The following EPC2 variants were observed in gnomAD, a reference collection of about 807,000 sequenced individuals.
EPC2 encodes the protein enhancer of polycomb homolog 2.
In EPC2, 14 loss-of-function variants were observed where a neutral mutation model predicts 92.1. The ratio of observed to expected loss-of-function variants is 0.15; its 90% CI spans 0.10 to 0.24. The LOEUF is 0.24. Among genes scored for constraint, EPC2 ranks in the 10% least tolerant of loss-of-function variants. The probability of loss-of-function intolerance (pLI) is 1.00; values close to 1 mark genes in which losing one functional copy is unlikely to be tolerated. For synonymous variants in EPC2, 340 were observed against 334.7 expected, an observed-to-expected ratio of 1.02 and a Z score of -0.17; for missense variants, 755 against 971.5, an observed-to-expected ratio of 0.78 and a Z score of 2.96.
chr2:148,720,454 A>C (rs13034265), intron 2 of EPC2, among the ~76,000 whole-genome samples: 36,398 of 150,712 alleles, frequency 0.24, 5,019 homozygotes, highest in East Asian at 0.51. Flanking sequence ...CTGGATTCCA[A>C]CCCCTCTCGG....
At chr2:148,766,910 A>G (rs1683421021) in intron 7 of EPC2, among the ~76,000 whole-genome samples, 1 of 152,198 alleles carries the variant, frequency 6.6e-6, no homozygotes. Context: ...TAGACTGGAC[A>G]TTGTGGCTCA....
chr2:148,676,794 CTCTCTCTG>C (rs1681273106), intron 1 of EPC2, among the ~76,000 whole-genome samples: 1 of 151,076 alleles, frequency 6.6e-6, no homozygotes, highest in Non-Finnish European at 1.5e-5. Flanking sequence ...CTCTCTCTCT[CTCTCTCTG>C]TCTCTCTTTT....
At chr2:148,749,439 T>C (rs1403627303) in intron 3 of EPC2, among the ~76,000 whole-genome samples, 1 of 151,994 alleles carries the variant, frequency 6.6e-6, no homozygotes, top group Non-Finnish European at 1.5e-5. Context: ...AAAATTCAAA[T>C]TAAAAGCGCC....
intron 2 of EPC2, among the ~76,000 whole-genome samples, chr2:148,735,279 T>C (rs1031482524): frequency 1.3e-5 from 2 of 152,002 alleles, no homozygotes; most frequent in Non-Finnish European, 2.9e-5. Context: ...TGTATGAGAG[T>C]TCTTGTTGTC....
At chr2:148,776,955 G>C (rs1683659232) in intron 10 of EPC2, among the ~76,000 whole-genome samples, 1 of 148,558 alleles carries the variant, frequency 6.7e-6, no homozygotes, top group Admixed American at 7.0e-5. Flanking sequence ...TCACCTCCCA[G>C]GCGAAGCAAT....
At chr2:148,646,478 T>C (rs190089158) in intron 1 of EPC2, among the ~76,000 whole-genome samples, 1 of 152,116 alleles carries the variant, frequency 6.6e-6, no homozygotes, top group Non-Finnish European at 1.5e-5. Flanking sequence ...GTAATAGATA[T>C]ATATACACGC....
intron 2 of EPC2, among the ~76,000 whole-genome samples, chr2:148,729,788 G>T (rs1489371707): frequency 2.0e-5 from 3 of 152,112 alleles, no homozygotes; most frequent in Non-Finnish European, 4.4e-5. Flanking sequence ...CTGTCATTAG[G>T]CTCTGTCCTC....
At chr2:148,715,640 T>C (rs1574600954) in intron 2 of EPC2, among the ~76,000 whole-genome samples, 1 of 152,204 alleles carries the variant, frequency 6.6e-6, no homozygotes, top group African/African-American at 2.4e-5. Context: ...TGTAGCATAG[T>C]TGAAGTCAGG....
At chr2:148,649,556 A>G (rs1488729165) in intron 1 of EPC2, among the ~76,000 whole-genome samples, 1 of 152,158 alleles carries the variant, frequency 6.6e-6, no homozygotes, top group Non-Finnish European at 1.5e-5. Context: ...TTGGTATGCT[A>G]TCTTTATGCA....
At chr2:148,649,598 T>A (rs1422399638) in intron 1 of EPC2, among the ~76,000 whole-genome samples, 2 of 152,228 alleles carry the variant, frequency 1.3e-5, no homozygotes, top group Non-Finnish European at 2.9e-5. Flanking sequence ...TTCCAGTTTT[T>A]GATTATCATT....
intron 7 of EPC2, among the ~76,000 whole-genome samples, chr2:148,767,213 A>ATG (rs1683426976): frequency 6.6e-6 from 1 of 151,928 alleles, no homozygotes. Context: ...AAAAAAAAAA[A>ATG]AATGAATGAT....
chr2:148,696,949 C>T (rs1276614740), intron 2 of EPC2, among the ~76,000 whole-genome samples: 1 of 152,184 alleles, frequency 6.6e-6, no homozygotes, highest in Non-Finnish European at 1.5e-5. Context: ...TAAACTTTTC[C>T]TTCCACAGTT....
intron 1 of EPC2, among the ~76,000 whole-genome samples, chr2:148,662,001 G>T (rs1382168091): frequency 6.6e-6 from 1 of 152,146 alleles, no homozygotes; most frequent in Non-Finnish European, 1.5e-5. Context: ...CAAAAAGTGG[G>T]CAAAGGATAT....
chr2:148,696,030 A>G (rs958170401), intron 2 of EPC2, among the ~76,000 whole-genome samples: 2 of 152,366 alleles, frequency 1.3e-5, no homozygotes. Flanking sequence ...ATTGTGCACT[A>G]GCTGCAACCG....
intron 10 of EPC2, among the ~76,000 whole-genome samples, chr2:148,774,624 T>TATTTTTTATATATATATATATA (rs935978031): frequency 1.1e-4 from 14 of 132,614 alleles, no homozygotes; most frequent in African/African-American, 3.7e-4. Flanking sequence ...AAAATATATT[T>TATTTTTTATATATATATATATA]TATATATATA....
chr2:148,694,673 C>T (rs1681708695), intron 2 of EPC2, among the ~76,000 whole-genome samples: 1 of 152,120 alleles, frequency 6.6e-6, no homozygotes, highest in Admixed American at 6.6e-5. Flanking sequence ...TATTTGATCT[C>T]CTATTACCTG....
At chr2:148,738,166 T>C (rs1291432140) in intron 2 of EPC2, among the ~76,000 whole-genome samples, 1 of 152,236 alleles carries the variant, frequency 6.6e-6, no homozygotes, top group Admixed American at 6.5e-5. Context: ...TGCTTTTGTT[T>C]TAATGGGATT....
intron 10 of EPC2, among the ~76,000 whole-genome samples, chr2:148,775,847 G>A (rs1325813582): frequency 8.4e-5 from 11 of 131,670 alleles, no homozygotes; most frequent in South Asian, 4.6e-4. Flanking sequence ...GCACGATCTC[G>A]GCTCACTGCA....
At chr2:148,688,829 A>G (rs1681582873) in intron 1 of EPC2, among the ~76,000 whole-genome samples, 2 of 152,220 alleles carry the variant, frequency 1.3e-5, no homozygotes, top group South Asian at 2.1e-4. Flanking sequence ...TTAACAAAAC[A>G]AGCAAAAATC....
Sources: gnomAD v4.1 joint callset for allele counts (sites outside exome capture counted in the v4.1 genomes callset) on GRCh38, gnomAD v4.1.1 for gene constraint, MANE v1.5 for transcripts, NCBI Gene and HGNC (gene_info 2026-07-23, HGNC 2026-07-21) for gene names.